FANCA: variants seen among roughly 807,000 people sequenced by gnomAD.
The protein encoded by FANCA is Fanconi anemia group A protein.
A neutral mutation model predicts 194.3 loss-of-function variants in FANCA; 236 were observed. The ratio of observed to expected loss-of-function variants is 1.21; its 90% CI spans 1.09 to 1.35. The LOEUF (loss-of-function observed/expected upper bound fraction) is 1.35, where lower values mean the gene tolerates loss of function less well. Ranked by LOEUF, FANCA falls within the 40% of genes most tolerant of loss-of-function variation. The pLI is 0.00. For synonymous variants in FANCA, 1,014 were observed against 715.8 expected (o/e 1.42, Z -6.65); for missense variants, 2,628 against 1,813.9 (o/e 1.45, Z -8.15).
chr16:89,766,950 G>C (rs1303039278), intron 27 of FANCA, among the ~76,000 whole-genome samples, 191 bp downstream of exon 27: 1 of 152,212 alleles, frequency 6.6e-6, no homozygotes, highest in Non-Finnish European at 1.5e-5. Flanking sequence ...CAGTCAGGCT[G>C]CCTAAGCAGA....
intron 28 of FANCA, 59 bp from the exon 29 acceptor site, chr16:89,762,081 G>C (rs190637102): frequency 7.4e-7 from 1 of 1,356,446 alleles, no homozygotes; most frequent in Admixed American, 1.7e-5. Context: ...TCCACCGACA[G>C]GTTTATAAAC....
chr16:89,816,214 G>A, intron 1 of FANCA: 1 of 537,536 alleles, frequency 1.9e-6, no homozygotes, highest in East Asian at 3.4e-5. Flanking sequence ...CCCGGGGACG[G>A]CTGGCGAGGG....
In FANCA at chr16:89,803,263, G is replaced by A. The variant is rs768965612; in HGVS notation, c.788C>T (p.Pro263Leu). 19 of 1,613,878 alleles carry A rather than the reference G, an allele frequency of 1.2e-5. No homozygotes were observed. Among genetic ancestry groups the A allele is most frequent in the East Asian group, 2.2e-5 (1 of 44,884 alleles). Reference protein sequence around the residue: ...LRRTVEPEKMPQVTVDVLQRM... With the variant: ...LRRTVEPEKMLQVTVDVLQRM... ...TCACTTGACTTTTCCTCCTACCTGC[G>A]GCATTTTTTCAGGCTCCACAGTTCT... The change falls in exon 8 of 43, where the codon CCG becomes CTG. Residue 263 changes from proline to leucine, a missense_variant. By Grantham distance (98) the Pro-to-Leu change is moderately conservative. Transcript: ENST00000389301.
chr16:89,800,276 G>A (rs2040398862), intron 8 of FANCA, among the ~76,000 whole-genome samples: 1 of 152,210 alleles, frequency 6.6e-6, no homozygotes, highest in Non-Finnish European at 1.5e-5. Flanking sequence ...GATGCCTCTG[G>A]AGCCAGAAGA....
Position 89,773,297 on chromosome 16 carries a change from G to C in FANCA, c.1988C>G (p.Ser663Cys). The C allele has an allele frequency of 6.4e-7, 1 of 1,551,374 alleles. No homozygotes were observed. Among genetic ancestry groups the C allele is most frequent in the South Asian group, 1.2e-5 (1 of 84,056 alleles). Reference protein sequence around the residue: ...LTAALGELRASMTDPSQRDVI... With the variant: ...LTAALGELRACMTDPSQRDVI... Reference sequence around the variant, plus strand: ...ATCACGCTGGCTGGGGTCTGTCATGGAGGCTCTCAGCTCTCCCAGTGCAGC... The same window carrying C: ...ATCACGCTGGCTGGGGTCTGTCATGCAGGCTCTCAGCTCTCCCAGTGCAGC... Residue 663 changes from serine to cysteine, a missense_variant, in exon 22 of 43, where the codon TCC becomes TGC. Transcript: ENST00000389301.
intron 19 of FANCA, 39 bp from the exon 20 acceptor site, chr16:89,778,889 A>G (rs200195621): frequency 1.2e-6 from 2 of 1,607,888 alleles, no homozygotes; most frequent in Admixed American, 3.4e-5. Flanking sequence ...ACTGACAAGG[A>G]AAGTCCTTGC....
rs562688490 is a variant in FANCA at position 89,780,892 on chromosome 16, T to C, written c.1627-935A>G. Among the ~76,000 whole-genome samples the C allele has an allele frequency of 4.7e-5, 7 of 148,996 alleles. No individual in the cohort carries two copies. In the East Asian group the frequency reaches 1.4e-3, roughly 29 times the overall value. ...CTGCACTGAACTGTGATCACGGTAC[T>C]ATACTTCAGCCTGGTCAACAGAACA... On this transcript the variant is annotated intron_variant, in intron 17 of 42. Transcript: ENST00000389301.
At position 89,749,904 on chromosome 16, in the gene FANCA, T is replaced by C. The variant is rs2143140176; in HGVS notation, c.3067-2A>G. The C allele has an allele frequency of 1.9e-6, 3 of 1,613,952 alleles. No homozygotes were observed. Among genetic ancestry groups the C allele is most frequent in the Non-Finnish European group, 2.5e-6 (3 of 1,179,994 alleles). ...CAGCTCCAGGTCAGCTACCATCTCCTGAAAAAGAGCAGTATGCTGGCACAG... is the reference window on the plus strand; with the variant it reads ...CAGCTCCAGGTCAGCTACCATCTCCCGAAAAAGAGCAGTATGCTGGCACAG... On this transcript the variant is annotated splice_acceptor_variant, in intron 31 of 42. Coordinates refer to ENST00000389301, the MANE Select transcript of FANCA (RefSeq NM_000135.4). LOFTEE classifies it high-confidence loss of function.
chr16:89,752,238 A>G lies in FANCA; in HGVS notation c.2982-16T>C, dbSNP rs570110087. 1 of 1,606,572 alleles carries G rather than the reference A, an allele frequency of 6.2e-7. No individual in the cohort carries two copies. The highest frequency in any genetic ancestry group is 1.3e-5 in the African/African-American group (1 of 74,880). ...ACTCCTTGAGCTGAAATGAAAATAC[A>G]ATAAAATCCTCCTCAGTATCGCCTA... On this transcript the variant is annotated splice_polypyrimidine_tract_variant and intron_variant, in intron 30 of 42. Transcript: ENST00000389301.
intron 20 of FANCA, among the ~76,000 whole-genome samples, chr16:89,776,555 C>T (rs1039998306): frequency 4.6e-5 from 7 of 151,968 alleles, no homozygotes; most frequent in African/African-American, 1.2e-4. Context: ...GGGCCAGGCG[C>T]GGTGGATCCC....
rs541851526 is a variant in FANCA at position 89,773,738 on chromosome 16, G to A, written c.1901-354C>T. On this transcript the variant is annotated intron_variant, in intron 21 of 42. Transcript: ENST00000389301. ...CTGGCGAGGGTGGGGACAGGATCAC[G>A]GATAGGTGACCATTTAGTCCCCTGG... Among the ~76,000 whole-genome samples the A allele has an allele frequency of 9.9e-5, 15 of 151,798 alleles. No individual in the cohort carries two copies. The South Asian group carries it at 2.3e-3, about 23-fold the overall frequency.
intron 20 of FANCA, among the ~76,000 whole-genome samples, chr16:89,777,146 G>T (rs1043616868): frequency 6.6e-6 from 1 of 151,636 alleles, no homozygotes; most frequent in African/African-American, 2.4e-5. Context: ...GGAGGTCAAG[G>T]CTGGCCAGGT....
chr16:89,767,750 G>A (rs1054876181), intron 26 of FANCA, among the ~76,000 whole-genome samples: 3 of 152,056 alleles, frequency 2.0e-5, no homozygotes, highest in Non-Finnish European at 2.9e-5. Context: ...GGGTTTCACC[G>A]TGTTAGCGAG....
chr16:89,747,186 C>A (rs1369235062), intron 33 of FANCA, among the ~76,000 whole-genome samples: 1 of 152,186 alleles, frequency 6.6e-6, no homozygotes, highest in Non-Finnish European at 1.5e-5. Flanking sequence ...GGGGACGCAC[C>A]CGGAGCGTAG....
intron 37 of FANCA, among the ~76,000 whole-genome samples, 172 bp downstream of exon 37, chr16:89,742,628 T>C (rs2062161932): frequency 8.9e-6 from 1 of 112,640 alleles, no homozygotes; most frequent in Non-Finnish European, 1.7e-5. Context: ...GCTAACACAG[T>C]GAAACCCCGT....
chr16:89,770,087 A>C (rs1183088858), intron 25 of FANCA, 63 bp from the exon 26 acceptor site: 3 of 1,586,958 alleles, frequency 1.9e-6, no homozygotes, highest in Non-Finnish European at 8.6e-7. Flanking sequence ...TTTCCAGGGC[A>C]CTGAAGACGA....
rs751749367 is a variant in FANCA at position 89,783,042 on chromosome 16, T to C, written c.1531A>G (p.Ile511Val). The change falls in exon 16 of 43, where the codon ATC (isoleucine) becomes GTC (valine). Residue 511 changes from isoleucine (I) to valine (V), a missense_variant. By Grantham distance (29) the Ile-to-Val change is conservative. Transcript: ENST00000389301. Reference sequence around the variant, plus strand: ...GCCAGCCGTGTCTTGGCCAATGAGATGTAGTCTGTGAGGAGGGAGCGGTAC... The same window carrying C: ...GCCAGCCGTGTCTTGGCCAATGAGACGTAGTCTGTGAGGAGGGAGCGGTAC... Reference protein sequence around the residue: ...GKYRSLLTDYISLAKTRLADL... With the variant: ...GKYRSLLTDYVSLAKTRLADL... 4 of 1,613,528 alleles carry C rather than the reference T, an allele frequency of 2.5e-6. No homozygotes were observed. The highest frequency in any genetic ancestry group is 1.7e-5 in the Admixed American group (1 of 59,936).
At chr16:89,801,453 A>G (rs1394354940) in intron 8 of FANCA, among the ~76,000 whole-genome samples, 3 of 152,210 alleles carry the variant, frequency 2.0e-5, no homozygotes, top group Non-Finnish European at 4.4e-5. Context: ...CAAGAAAACA[A>G]AAAATAACAA....
intron 29 of FANCA, among the ~76,000 whole-genome samples, chr16:89,761,112 G>A (rs2038935683): frequency 6.6e-6 from 1 of 152,174 alleles, no homozygotes; most frequent in Non-Finnish European, 1.5e-5. Context: ...TTAAATAAAG[G>A]AATAACAACC....
Sources: gnomAD v4.1 joint callset for allele counts (sites outside exome capture counted in the v4.1 genomes callset) on GRCh38, gnomAD v4.1.1 for gene constraint, MANE v1.5 for transcripts, NCBI Gene and HGNC (gene_info 2026-07-23, HGNC 2026-07-21) for gene names.